Variants in ZZZ3 observed in about 807,000 individuals in gnomAD.
ZZZ3 encodes ZZ-type zinc finger-containing protein 3.
A neutral mutation model predicts 95.2 loss-of-function variants in ZZZ3; 22 were observed. That is an observed-to-expected ratio of 0.23 (90% CI 0.17 to 0.33). ZZZ3 has a LOEUF of 0.33. Among genes scored for constraint, ZZZ3 ranks in the 10% least tolerant of loss-of-function variants. The pLI is 1.00. For missense variants in ZZZ3, 885 were observed against 1,066.5 expected (o/e 0.83, Z 2.37); for synonymous variants, 335 against 358.9 (o/e 0.93, Z 0.75).
chr1:77,564,219 A>G lies in ZZZ3; in HGVS notation c.*1421T>C, dbSNP rs1253231493. 1.3e-5 allele frequency: 2 copies of G among 152,142 alleles called. No homozygotes were observed. The highest frequency in any genetic ancestry group is 2.9e-5 in the Non-Finnish European group (2 of 67,992). The allele number at this position is 152,142 out of a possible 1,614,324, so 9.4% of individuals were successfully genotyped here. On this transcript the variant is annotated 3_prime_UTR_variant, in exon 15 of 15. Coordinates refer to ENST00000370801, the MANE Select transcript of ZZZ3 (RefSeq NM_015534.6). Reference sequence around the variant, plus strand: ...TCAACTTTAGTTTTCACACCTGAGCATTAATAATTGCCTTTTTCTTTAACC... The same window carrying G: ...TCAACTTTAGTTTTCACACCTGAGCGTTAATAATTGCCTTTTTCTTTAACC...
At chr1:77,660,921 C>T (rs1670720658) in intron 1 of ZZZ3, among the ~76,000 whole-genome samples, 1 of 152,120 alleles carries the variant, frequency 6.6e-6, no homozygotes, top group African/African-American at 2.4e-5. Context: ...TATGAACACA[C>T]AATAAACACA....
In ZZZ3 at chr1:77,563,521, T is replaced by G. The variant is rs913718041; in HGVS notation, c.*2119A>C. On this transcript the variant is annotated 3_prime_UTR_variant, in exon 15 of 15. Coordinates refer to ENST00000370801, the MANE Select transcript of ZZZ3 (RefSeq NM_015534.6). ...AAAATGTTTGCCCTAGAAAAATGCA[T>G]TCAAATGGTTTGTCTATTCCATTTA... 3.3e-5 allele frequency: 5 copies of G among 152,234 alleles called. No individual in the cohort carries two copies. The highest frequency in any genetic ancestry group is 1.2e-4 in the African/African-American group (5 of 41,466). The allele number at this position is 152,234 out of a possible 1,614,324, so 9.4% of individuals were successfully genotyped here.
At chr1:77,672,214 T>C (rs1010494399) in intron 1 of ZZZ3, among the ~76,000 whole-genome samples, 3 of 152,200 alleles carry the variant, frequency 2.0e-5, no homozygotes, top group East Asian at 1.9e-4. Context: ...AGTGTGAAAT[T>C]TGAATTTCTA....
At chr1:77,669,982 T>A (rs1671603427) in intron 1 of ZZZ3, among the ~76,000 whole-genome samples, 1 of 151,946 alleles carries the variant, frequency 6.6e-6, no homozygotes, top group Admixed American at 6.6e-5. Flanking sequence ...CACTGTAATT[T>A]TACTAAAAAG....
intron 1 of ZZZ3, among the ~76,000 whole-genome samples, chr1:77,678,069 T>A (rs1672427537): frequency 6.6e-6 from 1 of 152,148 alleles, no homozygotes; most frequent in African/African-American, 2.4e-5. Flanking sequence ...TACAAAAACC[T>A]GGCACCTTAG....
Position 77,673,914 on chromosome 1 carries a change from G to C in ZZZ3, c.-403+8671C>G, listed in dbSNP as rs185005114. Among the ~76,000 whole-genome samples the C allele has an allele frequency of 3.3e-4, 50 of 149,404 alleles. 2 individuals carry two copies. In the East Asian group the frequency reaches 9.9e-3, roughly 29 times the overall value. On this transcript the variant is annotated intron_variant, in intron 1 of 14. Transcript: ENST00000370801. ...GGAATCACTGCTTGAGGAATTCAAA[G>C]AATGAAAAGCAAGCTACCAAGTCAT...
intron 3 of ZZZ3, among the ~76,000 whole-genome samples, chr1:77,639,961 T>C (rs1668622379): frequency 1.3e-5 from 2 of 151,824 alleles, no homozygotes; most frequent in Non-Finnish European, 2.9e-5. Context: ...ATAACAGAAT[T>C]TATAATATCA....
chr1:77,601,164 T>C (rs912728450), intron 5 of ZZZ3, among the ~76,000 whole-genome samples: 9 of 152,142 alleles, frequency 5.9e-5, no homozygotes, highest in African/African-American at 2.2e-4. Flanking sequence ...ATAGGCCCTA[T>C]AGAACTTGGT....
At chr1:77,647,525 G>GA (rs1206025084) in intron 1 of ZZZ3, among the ~76,000 whole-genome samples, 442 of 118,118 alleles carry the variant, frequency 3.7e-3, no homozygotes, top group Non-Finnish European at 5.2e-3. Context: ...TCTCAGGAAG[G>GA]AAAAAAAAAA....
In ZZZ3 at chr1:77,566,178, C is replaced by A; in HGVS notation, c.2470G>T (p.Asp824Tyr). The change falls in exon 14 of 15, where the codon GAT (aspartate) becomes TAT (tyrosine). Residue 824 changes from aspartate (D) to tyrosine (Y), a missense_variant. Physicochemically the swap from Asp to Tyr is radical, Grantham distance 160. This residue lies in a region of ZZZ3 where 221 missense variants were observed against 247.8 expected (regional missense o/e 0.89). Transcript: ENST00000370801. ...GFVQHVGFKC[D>Y]NCGIEPIQGV... The stretch of plus-strand genomic sequence containing the variant: ...TGGATGGGTTCTATGCCACAGTTAT[C>A]ACACTATAACAGATTCAGAGAGAAA... The A allele has an allele frequency of 6.2e-7, 1 of 1,601,148 alleles. No individual in the cohort carries two copies.
In ZZZ3 at chr1:77,566,131, C is replaced by T. The variant is rs1057410106; in HGVS notation, c.2517G>A (p.Gln839=). The T allele has an allele frequency of 2.5e-6, 4 of 1,613,490 alleles. No homozygotes were observed. In the African/African-American group the frequency reaches 5.3e-5, roughly 22 times the overall value. Residue 839 remains glutamine (Q), a synonymous_variant, in exon 14 of 15, where the codon CAG becomes CAA. Coordinates refer to ENST00000370801, the MANE Select transcript of ZZZ3 (RefSeq NM_015534.6). ...EPIQGVRWHC[Q]DCPPEMSLDF... ...CCAAAGACATTTCTGGAGGACAATCCTGGCAATGCCACCGAACACCCTGGA... is the reference window on the plus strand; with the variant it reads ...CCAAAGACATTTCTGGAGGACAATCTTGGCAATGCCACCGAACACCCTGGA...
chr1:77,633,333 G>A lies in ZZZ3; in HGVS notation c.22C>T (p.Arg8Cys). 1 of 1,608,508 alleles carries A rather than the reference G, an allele frequency of 6.2e-7. No homozygotes were observed. The highest frequency in any genetic ancestry group is 8.5e-7 in the Non-Finnish European group (1 of 1,177,016). MAASRST[R>C]VTRSTVGLNG... is the part of the protein sequence containing the mutation. ...AACCCCACTGTTGATCTTGTAACAC[G>A]AGTAGATCGGGAAGCAGCCATACTA... The change falls in exon 5 of 15, where the codon CGT (arginine) becomes TGT (cysteine). Residue 8 changes from arginine to cysteine, a missense_variant. Coordinates refer to ENST00000370801, the MANE Select transcript of ZZZ3 (RefSeq NM_015534.6).
intron 1 of ZZZ3, among the ~76,000 whole-genome samples, chr1:77,648,440 G>A (rs1275310003): frequency 1.3e-5 from 2 of 150,138 alleles, no homozygotes; most frequent in African/African-American, 2.5e-5. Context: ...AACTGTACAT[G>A]ACAGTCACTA....
intron 5 of ZZZ3, among the ~76,000 whole-genome samples, chr1:77,585,765 T>C (rs1271190144): frequency 1.3e-5 from 2 of 152,202 alleles, no homozygotes; most frequent in African/African-American, 4.8e-5. Flanking sequence ...TTTTAAGTTC[T>C]GAAGTAAGCA....
At position 77,681,013 on chromosome 1, in the gene ZZZ3, G is replaced by A. The variant is rs909121690; in HGVS notation, c.-403+1572C>T. On this transcript the variant is annotated intron_variant, in intron 1 of 14. Coordinates refer to ENST00000370801, the MANE Select transcript of ZZZ3 (RefSeq NM_015534.6). ...ATCAGTACAAACAAAAAAAATCTGC[G>A]TAAGTATGCATACGTAAGTCTTGAC... is the stretch of plus-strand genomic sequence containing the variant. Among the ~76,000 whole-genome samples, 4 of 152,036 alleles carry A rather than the reference G, an allele frequency of 2.6e-5. No individual in the cohort carries two copies. In the East Asian group the frequency reaches 7.7e-4, roughly 29 times the overall value.
At chr1:77,590,265 C>G (rs1663547100) in intron 5 of ZZZ3, among the ~76,000 whole-genome samples, 1 of 152,034 alleles carries the variant, frequency 6.6e-6, no homozygotes. Flanking sequence ...TCTCAGCTAC[C>G]TGGGAGGCTG....
chr1:77,574,913 T>C (rs2100512311), intron 12 of ZZZ3, among the ~76,000 whole-genome samples: 1 of 152,278 alleles, frequency 6.6e-6, no homozygotes, highest in East Asian at 1.9e-4. Context: ...AGGCCAGGCA[T>C]GGTGGCTCAC....
intron 1 of ZZZ3, among the ~76,000 whole-genome samples, chr1:77,648,755 C>T (rs1669530955): frequency 6.6e-6 from 1 of 152,024 alleles, no homozygotes; most frequent in African/African-American, 2.4e-5. Context: ...CCCCAAAAGA[C>T]TGAAAGAGAA....
rs190721038 is a variant in ZZZ3, at chr1:77,653,960, G to A, written c.-402-12305C>T. Among the ~76,000 whole-genome samples the A allele has an allele frequency of 1.1e-3, 163 of 152,100 alleles. 1 individual carries two copies. Among genetic ancestry groups the A allele is most frequent in the African/African-American group, 3.5e-3 (144 of 41,526 alleles). Reference sequence around the variant, plus strand: ...TCCCAGCACTTTGGGAGGCCAAGGCGGGTGGATCAAGAGGTCAGGAGGTCA... The same window carrying A: ...TCCCAGCACTTTGGGAGGCCAAGGCAGGTGGATCAAGAGGTCAGGAGGTCA... On this transcript the variant is annotated intron_variant, in intron 1 of 14. Coordinates refer to ENST00000370801, the MANE Select transcript of ZZZ3 (RefSeq NM_015534.6).
Sources: allele counts gnomAD v4.1 joint callset (sites outside exome capture counted in the v4.1 genomes callset), GRCh38; gene constraint gnomAD v4.1.1; regional missense constraint gnomAD v4.1.1; transcripts MANE v1.5; gene names NCBI Gene and HGNC (gene_info 2026-07-23, HGNC 2026-07-21).